ZNF395: variants seen among roughly 807,000 people sequenced by gnomAD.
ZNF395 encodes HD gene regulatory region-binding protein 2.
In ZNF395, 20 loss-of-function variants were observed where a neutral mutation model predicts 57.7. The ratio of observed to expected loss-of-function variants is 0.35; its 90% CI spans 0.24 to 0.50. ZNF395 has a LOEUF of 0.50. Ranked by LOEUF, ZNF395 falls within the 20% of genes least tolerant of loss-of-function variation. The pLI is 0.97. For missense variants in ZNF395, 606 were observed against 671.2 expected (o/e 0.90, Z 1.07); for synonymous variants, 295 against 275.9 (o/e 1.07, Z -0.69).
At chr8:28,369,342 C>T (rs1563340980) in intron 1 of ZNF395, among the ~76,000 whole-genome samples, 1 of 152,066 alleles carries the variant, frequency 6.6e-6, no homozygotes, top group Non-Finnish European at 1.5e-5. Flanking sequence ...AATGCCAAAC[C>T]GACAGGCAGG....
chr8:28,353,387 G>A lies in ZNF395; in HGVS notation c.605C>T (p.Pro202Leu). Residue 202 changes from proline (P) to leucine (L), a missense_variant, in exon 5 of 10, where the codon CCA (proline) becomes CTA (leucine). Pro to Leu is a moderately conservative substitution (Grantham distance 98). Around this residue, in one of 3 missense-constraint regions of ZNF395, gnomAD observed 309 missense variants for 374.7 expected, o/e 0.82. Transcript: ENST00000344423. ...NFSASRAACD[P>L]WKESGDISDS... Reference sequence around the variant, plus strand: ...CGAGATGTCACCACTCTCCTTCCATGGGTCGCAGGCCGCACGGGAAGCTGG... The same window carrying A: ...CGAGATGTCACCACTCTCCTTCCATAGGTCGCAGGCCGCACGGGAAGCTGG... 6.4e-7 allele frequency: 1 copy of A among 1,564,320 alleles called. No homozygotes were observed. The highest frequency in any genetic ancestry group is 8.7e-7 in the Non-Finnish European group (1 of 1,153,862).
Position 28,351,486 on chromosome 8 carries a change from G to A in ZNF395, c.1233+9C>T, listed in dbSNP as rs200318888. ...TGAGCCTGAGCCTCCAGCGAGCCCCGCCCCATACCTGGTATGCATGATCTG... is the reference window on the plus strand; with the variant it reads ...TGAGCCTGAGCCTCCAGCGAGCCCCACCCCATACCTGGTATGCATGATCTG... On this transcript the variant is annotated intron_variant, in intron 7 of 9. Coordinates refer to ENST00000344423, the MANE Select transcript of ZNF395 (RefSeq NM_018660.3). 2.3e-5 allele frequency: 36 copies of A among 1,583,986 alleles called. No individual in the cohort carries two copies. Among genetic ancestry groups the A allele is most frequent in the East Asian group, 1.8e-4 (8 of 44,320 alleles).
At chr8:28,353,044 A>G in intron 5 of ZNF395, 129 bp downstream of exon 5, 2 of 812,188 alleles carry the variant, frequency 2.5e-6, no homozygotes, top group South Asian at 1.7e-5. Flanking sequence ...GCAGCAATAA[A>G]AAACCGAAAT....
chr8:28,347,790 G>A lies in ZNF395; in HGVS notation c.*929C>T, dbSNP rs1425674441. The A allele has an allele frequency of 1.3e-5, 2 of 152,222 alleles. No homozygotes were observed. The highest frequency in any genetic ancestry group is 2.9e-5 in the Non-Finnish European group (2 of 68,054). The allele number at this position is 152,222 out of a possible 1,614,324, so 9.4% of individuals were successfully genotyped here. A position where few individuals can be genotyped will look rare whatever the true frequency, so the allele number is the denominator to read the frequency against. Reference sequence around the variant, plus strand: ...ATAAAAGAAAACTTTAATCAGTAAAGGCTTCTGAATACATCGTAAAAGAAA... The same window carrying A: ...ATAAAAGAAAACTTTAATCAGTAAAAGCTTCTGAATACATCGTAAAAGAAA... On this transcript the variant is annotated 3_prime_UTR_variant, in exon 10 of 10. Coordinates refer to ENST00000344423, the MANE Select transcript of ZNF395 (RefSeq NM_018660.3).
chr8:28,370,326 T>G (rs1801962301), intron 1 of ZNF395, among the ~76,000 whole-genome samples: 1 of 152,146 alleles, frequency 6.6e-6, no homozygotes, highest in East Asian at 1.9e-4. Context: ...AAATACATAG[T>G]GGAAAATAAA....
intron 1 of ZNF395, among the ~76,000 whole-genome samples, chr8:28,367,257 A>T (rs1000858062): frequency 6.6e-6 from 1 of 152,224 alleles, no homozygotes; most frequent in African/African-American, 2.4e-5. Context: ...TCCAACTCCC[A>T]TTCAGGGCTG....
rs781434683 is a variant in ZNF395 at position 28,347,848 on chromosome 8, C to T, written c.*871G>A. On this transcript the variant is annotated 3_prime_UTR_variant, in exon 10 of 10. Coordinates refer to ENST00000344423, the MANE Select transcript of ZNF395 (RefSeq NM_018660.3). ...ATTTCTGAGGCGTCCTTTCAATAAC[C>T]GGAGGAAGGCGGCGTCAGGAGGGTG... 3.3e-5 allele frequency: 5 copies of T among 152,178 alleles called. No homozygotes were observed. Among genetic ancestry groups the T allele is most frequent in the East Asian group, 1.9e-4 (1 of 5,202 alleles). The allele number at this position is 152,178 out of a possible 1,614,324, so 9.4% of individuals were successfully genotyped here.
In ZNF395 at chr8:28,348,259, CTTTTTTTTTTTTTTT is replaced by C. The variant is rs58805614; in HGVS notation, c.*445_*459del. On this transcript the variant is annotated 3_prime_UTR_variant, in exon 10 of 10. Coordinates refer to ENST00000344423, the MANE Select transcript of ZNF395 (RefSeq NM_018660.3). ...CTGAGTCACCCATCAGCCAGAAACT[CTTTTTTTTTTTTTTT>C]TTTTTTTTTTTTAAGAAAAGTAAAT... 1 of 90,466 alleles carries C rather than the reference CTTTTTTTTTTTTTTT, an allele frequency of 1.1e-5. No individual in the cohort carries two copies. The highest frequency in any genetic ancestry group is 4.2e-4 in the South Asian group (1 of 2,366). 5.6% of individuals were successfully genotyped at this position (90,466 alleles called of 1,614,324 possible).
At chr8:28,364,393 G>C (rs555439009) in intron 1 of ZNF395, among the ~76,000 whole-genome samples, 1 of 152,186 alleles carries the variant, frequency 6.6e-6, no homozygotes, top group African/African-American at 2.4e-5. Context: ...GCTCACGCCT[G>C]TAATCCCAAA....
Position 28,349,144 on chromosome 8 carries a change from G to A in ZNF395, c.1411C>T (p.Arg471Trp), listed in dbSNP as rs148241775. The A allele has an allele frequency of 5.9e-5, 93 of 1,566,382 alleles. No individual in the cohort carries two copies. The highest frequency in any genetic ancestry group is 7.0e-5 in the Non-Finnish European group (81 of 1,158,014). ...TCTCACCTGGCACCACTCTGGGCCC[G>A]GGGTGGAGAAGTGACGATCAGATGA... ...KSHLIVTSPP[R>W]AQSGARKARG... is the part of the protein sequence containing the mutation. The change falls in exon 9 of 10, where the codon CGG becomes TGG. Residue 471 changes from arginine (R) to tryptophan (W), a missense_variant. Arg to Trp is a moderately radical substitution (Grantham distance 101, BLOSUM62 -3). Coordinates refer to ENST00000344423, the MANE Select transcript of ZNF395 (RefSeq NM_018660.3).
At chr8:28,370,041 T>A (rs1419430406) in intron 1 of ZNF395, among the ~76,000 whole-genome samples, 1 of 152,090 alleles carries the variant, frequency 6.6e-6, no homozygotes, top group Admixed American at 6.5e-5. Context: ...AACATTTGCA[T>A]CTCTCAGGAA....
intron 1 of ZNF395, among the ~76,000 whole-genome samples, chr8:28,371,765 C>A (rs946077303): frequency 6.6e-6 from 1 of 152,162 alleles, no homozygotes; most frequent in Admixed American, 6.5e-5. Context: ...GCTCAGACTT[C>A]CGGCTGGGCG....
intron 1 of ZNF395, among the ~76,000 whole-genome samples, chr8:28,380,320 C>T (rs1471566894): frequency 1.3e-5 from 2 of 152,126 alleles, no homozygotes; most frequent in African/African-American, 2.4e-5. Flanking sequence ...TAAATTCATC[C>T]CTTACTGAAT....
chr8:28,378,520 C>T (rs1033071931), intron 1 of ZNF395, among the ~76,000 whole-genome samples: 1 of 152,216 alleles, frequency 6.6e-6, no homozygotes, highest in African/African-American at 2.4e-5. Context: ...AGATTACAGG[C>T]GTGAGTCAAT....
intron 1 of ZNF395, among the ~76,000 whole-genome samples, chr8:28,369,236 A>G (rs1801948470): frequency 6.6e-6 from 1 of 151,838 alleles, no homozygotes; most frequent in African/African-American, 2.4e-5. Flanking sequence ...TGACAATGCC[A>G]AACAAAGGAG....
intron 3 of ZNF395, among the ~76,000 whole-genome samples, chr8:28,357,490 G>A (rs1044790708): frequency 1.3e-5 from 2 of 152,234 alleles, no homozygotes; most frequent in African/African-American, 4.8e-5. Flanking sequence ...AACTAGAGCT[G>A]TCTACAAGTT....
intron 1 of ZNF395, among the ~76,000 whole-genome samples, chr8:28,363,409 C>T (rs888283270): frequency 1.6e-4 from 24 of 152,116 alleles, no homozygotes; most frequent in African/African-American, 5.8e-4. Flanking sequence ...GCTGGGATTA[C>T]AGGCATGAGG....
intron 1 of ZNF395, among the ~76,000 whole-genome samples, chr8:28,363,926 C>T (rs1457183522): frequency 6.6e-6 from 1 of 152,168 alleles, no homozygotes; most frequent in Non-Finnish European, 1.5e-5. Context: ...CTGGAGCCCT[C>T]CTGTCCCCTT....
chr8:28,385,401 CGCCCCCCCCCCGGGCACCCGCGTGA>C (rs1163177720), intron 1 of ZNF395: 1 of 115,228 alleles, frequency 8.7e-6, no homozygotes, highest in Non-Finnish European at 1.7e-5. Flanking sequence ...TGTGCAGCCC[CGCCCCCCCCCCGGGCACCCGCGTGA>C]GCCCACGGTG....
Sources: gnomAD v4.1 joint callset for allele counts (sites outside exome capture counted in the v4.1 genomes callset) on GRCh38, gnomAD v4.1.1 for gene constraint, gnomAD v4.1.1 regional missense constraint, MANE v1.5 for transcripts, NCBI Gene and HGNC (gene_info 2026-07-23, HGNC 2026-07-21) for gene names.